The following ARHGAP23 variants were observed in gnomAD, a reference collection of about 807,000 sequenced individuals.
ARHGAP23 encodes Rho GTPase activating protein 23, also known as rho GTPase-activating protein 23.
Under a neutral mutation model 136.3 loss-of-function variants are expected in ARHGAP23, and 34 were observed. The observed-to-expected ratio is 0.25, with a 90% CI of 0.19 to 0.33. The LOEUF (loss-of-function observed/expected upper bound fraction) is 0.33. Among genes scored for constraint, ARHGAP23 ranks in the 10% least tolerant of loss-of-function variants. ARHGAP23 has a pLI of 1.00. For synonymous variants in ARHGAP23, 832 were observed against 920.5 expected, an observed-to-expected ratio of 0.90 and a Z score of 1.74; for missense variants, 1,808 against 2,139.0, an observed-to-expected ratio of 0.85 and a Z score of 3.05.
At chr17:38,491,942 C>T (rs546675059) in intron 20 of ARHGAP23, among the ~76,000 whole-genome samples, 90 of 152,278 alleles carry the variant, frequency 5.9e-4, no homozygotes, top group African/African-American at 1.5e-3. Context: ...TCAGGAGGCC[C>T]CGGCTCTAGT....
intron 20 of ARHGAP23, among the ~76,000 whole-genome samples, chr17:38,494,559 GACAC>G (rs148184687): frequency 1.5e-4 from 22 of 151,012 alleles, no homozygotes; most frequent in African/African-American, 5.1e-4. Context: ...GTGAGACCCT[GACAC>G]ACACACACAC....
chr17:38,494,988 G>C (rs1005209481), intron 20 of ARHGAP23, among the ~76,000 whole-genome samples: 6 of 152,262 alleles, frequency 3.9e-5, no homozygotes, highest in Non-Finnish European at 8.8e-5. Flanking sequence ...CCCCTGGTCA[G>C]CCTGTCTCTG....
intron 21 of ARHGAP23, 97 bp downstream of exon 21, chr17:38,497,923 G>A (rs2040429493): frequency 7.7e-7 from 1 of 1,297,352 alleles, no homozygotes; most frequent in Non-Finnish European, 1.1e-6. Context: ...AGCCGGGGAA[G>A]GTGTCTGTCC....
intron 1 of ARHGAP23, among the ~76,000 whole-genome samples, chr17:38,456,960 A>C (rs2039339691): frequency 1.3e-5 from 2 of 151,592 alleles, no homozygotes; most frequent in East Asian, 3.9e-4. Context: ...ACTAGGCTGG[A>C]GTGCAATGGT....
At chr17:38,492,860 C>T (rs930185231) in intron 20 of ARHGAP23, among the ~76,000 whole-genome samples, 53 of 152,334 alleles carry the variant, frequency 3.5e-4, no homozygotes, top group African/African-American at 1.2e-3. Context: ...CACCAGGGAG[C>T]CCCGGAACCT....
At chr17:38,452,151 C>T (rs1567785519) in intron 1 of ARHGAP23, among the ~76,000 whole-genome samples, 1 of 152,126 alleles carries the variant, frequency 6.6e-6, no homozygotes, top group African/African-American at 2.4e-5. Flanking sequence ...CGCTCTGCTC[C>T]CTTCCCCCTC....
chr17:38,502,842 C>T (rs1272692875), intron 23 of ARHGAP23, among the ~76,000 whole-genome samples: 4 of 152,032 alleles, frequency 2.6e-5, no homozygotes, highest in Non-Finnish European at 5.9e-5. Context: ...CCCAGGAGTC[C>T]GAGACCAGCC....
At chr17:38,494,587 T>TA (rs2040349752) in intron 20 of ARHGAP23, among the ~76,000 whole-genome samples, 4 of 151,890 alleles carry the variant, frequency 2.6e-5, no homozygotes, top group Admixed American at 2.0e-4. Flanking sequence ...CAAAAATCCA[T>TA]TAAAAAAATG....
At chr17:38,469,416 G>C (rs2039690476) in intron 8 of ARHGAP23, 108 bp from the exon 9 acceptor site, 9 of 1,461,274 alleles carry the variant, frequency 6.2e-6, no homozygotes, top group Non-Finnish European at 8.3e-6. Context: ...CTTCTCCTGC[G>C]GCCCCTTGGG....
chr17:38,462,335 C>T (rs553187301), intron 3 of ARHGAP23, among the ~76,000 whole-genome samples: 37 of 144,754 alleles, frequency 2.6e-4, no homozygotes, highest in Non-Finnish European at 4.6e-4. Context: ...CTTACCACAA[C>T]CTCTGCCTCC....
chr17:38,470,333 T>C (rs535082743), intron 10 of ARHGAP23, among the ~76,000 whole-genome samples: 1 of 152,368 alleles, frequency 6.6e-6, no homozygotes, highest in African/African-American at 2.4e-5. Flanking sequence ...CCAGCTAGAA[T>C]AGAAGCTCCC....
At chr17:38,464,434 T>TG (rs2039534898) in intron 6 of ARHGAP23, among the ~76,000 whole-genome samples, 1 of 152,236 alleles carries the variant, frequency 6.6e-6, no homozygotes, top group Non-Finnish European at 1.5e-5. Context: ...TCACTGTCCC[T>TG]GGGGAGGCCC....
intron 3 of ARHGAP23, among the ~76,000 whole-genome samples, chr17:38,461,330 T>A (rs943827668): frequency 6.6e-6 from 1 of 152,186 alleles, no homozygotes; most frequent in East Asian, 1.9e-4. Context: ...AAGGCTGTCC[T>A]TGGAGGCGGA....
Position 38,510,465 on chromosome 17 carries a change from G to A in ARHGAP23, c.3969G>A (p.Leu1323=). 8.3e-7 allele frequency: 1 copy of A among 1,203,222 alleles called. No homozygotes were observed. The highest frequency in any genetic ancestry group is 1.0e-6 in the Non-Finnish European group (1 of 970,218). 74.5% of individuals were successfully genotyped at this position (1,203,222 alleles called of 1,614,324 possible). A position where few individuals can be genotyped will look rare whatever the true frequency, so the allele number is the denominator to read the frequency against. ...MPCDTLARRR[L]ARGRPDGEGA... ...GCGACACTCTGGCGCGCCGCCGCCT[G>A]GCCCGGGGCCGCCCAGACGGCGAGG... is the stretch of plus-strand genomic sequence containing the variant. The change falls in exon 24 of 24, where the codon CTG becomes CTA. Residue 1323 remains leucine (L), a synonymous_variant. Transcript: ENST00000622683. This position sits in a 1 kb window ranked among gnomAD's most constrained non-coding sequence, Gnocchi z 4.6.
intron 19 of ARHGAP23, among the ~76,000 whole-genome samples, chr17:38,490,859 T>G (rs1468806152): frequency 1.3e-5 from 2 of 152,246 alleles, no homozygotes; most frequent in East Asian, 1.9e-4. Flanking sequence ...AAACCCCTTA[T>G]GCCTTCTGGT....
chr17:38,456,423 C>G (rs2039327185), intron 1 of ARHGAP23, among the ~76,000 whole-genome samples: 1 of 152,172 alleles, frequency 6.6e-6, no homozygotes, highest in African/African-American at 2.4e-5. Flanking sequence ...GCGGGAGCTC[C>G]TCACTCCAGA....
intron 20 of ARHGAP23, among the ~76,000 whole-genome samples, chr17:38,496,309 A>ATT (rs57322408): frequency 6.7e-6 from 1 of 150,084 alleles, no homozygotes. Flanking sequence ...AAAATCTACA[A>ATT]TTTTTTTTTT....
chr17:38,435,664 G>A (rs1391568182), intron 1 of ARHGAP23, among the ~76,000 whole-genome samples: 2 of 152,086 alleles, frequency 1.3e-5, no homozygotes, highest in Non-Finnish European at 2.9e-5. Context: ...GTGCAATGGC[G>A]CGATCTCGGC....
intron 11 of ARHGAP23, among the ~76,000 whole-genome samples, chr17:38,476,279 T>C (rs2039889661): frequency 6.6e-6 from 1 of 152,168 alleles, no homozygotes; most frequent in Admixed American, 6.5e-5. Flanking sequence ...GAGGCGTTGA[T>C]GGCGTGGACC....
Sources: allele counts gnomAD v4.1 joint callset (sites outside exome capture counted in the v4.1 genomes callset), GRCh38; gene constraint gnomAD v4.1.1; non-coding constraint Gnocchi (gnomAD v3.1); transcripts MANE v1.5; gene names NCBI Gene and HGNC (gene_info 2026-07-23, HGNC 2026-07-21).